The following DCDC2C variants were observed in gnomAD, a reference collection of about 807,000 sequenced individuals.
DCDC2C encodes doublecortin domain containing 2C.
DCDC2C carries 44 observed loss-of-function variants against 45.0 expected under a neutral mutation model. The observed-to-expected ratio is 0.98, with a 90% CI of 0.77 to 1.26. The LOEUF (loss-of-function observed/expected upper bound fraction) is 1.26. Among genes scored for constraint, DCDC2C ranks in the 50% most tolerant of loss-of-function variants. DCDC2C has a pLI of 0.00. For missense variants in DCDC2C, 447 were observed against 468.9 expected (o/e 0.95, Z 0.43); for synonymous variants, 187 against 178.8 (o/e 1.05, Z -0.37).
chr2:3,829,288 T>C (rs1037293763), intron 10 of DCDC2C, among the ~76,000 whole-genome samples: 2 of 150,838 alleles, frequency 1.3e-5, no homozygotes, highest in African/African-American at 2.4e-5. Flanking sequence ...CTTTTTCTTT[T>C]TTTTTTTTTT....
In DCDC2C at chr2:3,769,413, T is replaced by G; in HGVS notation, c.954+2T>G. 6.5e-7 allele frequency: 1 copy of G among 1,550,108 alleles called. No homozygotes were observed. Among genetic ancestry groups the G allele is most frequent in the Non-Finnish European group, 8.7e-7 (1 of 1,146,732 alleles). On this transcript the variant is annotated splice_donor_variant, in intron 8 of 10. Coordinates refer to ENST00000399143, the MANE Select transcript of DCDC2C (RefSeq NM_001287444.2). LOFTEE classifies it high-confidence loss of function. Reference sequence around the variant, plus strand: ...CAGCTGGAGGTGCCTGTGGACCAGGTGGGTGTCCGGGGTCCGATGTCCATG... The same window carrying G: ...CAGCTGGAGGTGCCTGTGGACCAGGGGGGTGTCCGGGGTCCGATGTCCATG...
intron 2 of DCDC2C, among the ~76,000 whole-genome samples, chr2:3,713,590 G>C (rs1668276748): frequency 6.6e-6 from 1 of 152,216 alleles, no homozygotes; most frequent in Non-Finnish European, 1.5e-5. Context: ...ACTGGTTCCA[G>C]CTTGATAGGC....
At chr2:3,806,402 A>G (rs1671243945) in intron 10 of DCDC2C, among the ~76,000 whole-genome samples, 1 of 152,238 alleles carries the variant, frequency 6.6e-6, no homozygotes, top group African/African-American at 2.4e-5. Context: ...AGAGAGGGAA[A>G]CAGAGCGAAG....
At chr2:3,838,646 A>G (rs1672139557) in intron 10 of DCDC2C, among the ~76,000 whole-genome samples, 1 of 152,148 alleles carries the variant, frequency 6.6e-6, no homozygotes, top group African/African-American at 2.4e-5. Flanking sequence ...ATCTGGAGAC[A>G]GTGGTGGGTG....
rs960748580 is a variant in DCDC2C at position 3,703,863 on chromosome 2, C to G, written c.112C>G (p.Arg38Gly). ...GGGCAAGAAGTTCGTGCTGTCGCGGCGCCGCGCGGCCACCTTCGAGGCGCT... is the reference window on the plus strand; with the variant it reads ...GGGCAAGAAGTTCGTGCTGTCGCGGGGCCGCGCGGCCACCTTCGAGGCGCT... The part of the protein sequence containing the change: ...YVGKKFVLSR[R>G]RAATFEALLE... The change falls in exon 1 of 11, where the codon CGC becomes GGC. Residue 38 changes from arginine (R) to glycine (G), a missense_variant. Coordinates refer to ENST00000399143, the MANE Select transcript of DCDC2C (RefSeq NM_001287444.2). The surrounding 1 kb of genome is among the most constrained non-coding windows in gnomAD (Gnocchi z 4.4). The G allele has an allele frequency of 1.2e-5, 16 of 1,290,022 alleles. No individual in the cohort carries two copies. The highest frequency in any genetic ancestry group is 1.6e-5 in the Non-Finnish European group (16 of 1,014,244). The allele number at this position is 1,290,022 out of a possible 1,614,324, so 79.9% of individuals were successfully genotyped here. A position where few individuals can be genotyped will look rare whatever the true frequency, so the allele number is the denominator to read the frequency against.
At chr2:3,746,291 G>C (rs541713508) in intron 4 of DCDC2C, among the ~76,000 whole-genome samples, 1 of 152,318 alleles carries the variant, frequency 6.6e-6, no homozygotes, top group South Asian at 2.1e-4. Flanking sequence ...ACGCGGAGGA[G>C]CTGGGGCAGG....
intron 3 of DCDC2C, among the ~76,000 whole-genome samples, chr2:3,733,811 T>TG (rs1668943265): frequency 1.3e-5 from 2 of 152,182 alleles, no homozygotes; most frequent in African/African-American, 2.4e-5. Context: ...CAACATGAAC[T>TG]GGGGGGTGAG....
intron 3 of DCDC2C, among the ~76,000 whole-genome samples, chr2:3,735,529 A>G (rs183027592): frequency 3.9e-5 from 6 of 152,154 alleles, no homozygotes; most frequent in African/African-American, 1.4e-4. Flanking sequence ...GGTCATCCAC[A>G]AGTTGGATTA....
At chr2:3,833,897 G>C (rs1672008966) in intron 10 of DCDC2C, among the ~76,000 whole-genome samples, 1 of 152,214 alleles carries the variant, frequency 6.6e-6, no homozygotes, top group African/African-American at 2.4e-5. Context: ...GTGGAGATAA[G>C]TAGCAGTCTT....
intron 3 of DCDC2C, among the ~76,000 whole-genome samples, chr2:3,736,649 G>A (rs1269584860): frequency 6.6e-6 from 1 of 152,238 alleles, no homozygotes; most frequent in Non-Finnish European, 1.5e-5. Flanking sequence ...TGGTTTCTGA[G>A]CTTGCTGTGG....
intron 10 of DCDC2C, among the ~76,000 whole-genome samples, chr2:3,828,117 A>T (rs551122136): frequency 1.3e-5 from 2 of 152,376 alleles, no homozygotes; most frequent in East Asian, 3.9e-4. Flanking sequence ...ACATGGAACC[A>T]TCTGCCATAA....
At chr2:3,716,434 G>A (rs562880764) in intron 2 of DCDC2C, among the ~76,000 whole-genome samples, 22 of 152,268 alleles carry the variant, frequency 1.4e-4, no homozygotes, top group Non-Finnish European at 1.2e-4. Flanking sequence ...GACCAGAAAA[G>A]GAAGATGAAG....
intron 10 of DCDC2C, among the ~76,000 whole-genome samples, chr2:3,802,929 G>A: frequency 6.6e-6 from 1 of 152,132 alleles, no homozygotes; most frequent in Non-Finnish European, 1.5e-5. Context: ...CCAGTCAGCA[G>A]AGGCATCATC....
chr2:3,819,687 A>G (rs1671640520), intron 10 of DCDC2C, among the ~76,000 whole-genome samples: 1 of 152,262 alleles, frequency 6.6e-6, no homozygotes, highest in African/African-American at 2.4e-5. Context: ...CAAACGAGCC[A>G]TGAACTGGGC....
At chr2:3,829,018 A>G (rs530585577) in intron 10 of DCDC2C, among the ~76,000 whole-genome samples, 10 of 152,292 alleles carry the variant, frequency 6.6e-5, no homozygotes, top group Admixed American at 5.2e-4. Flanking sequence ...AAAAATACCA[A>G]TTATTTTCAC....
intron 3 of DCDC2C, among the ~76,000 whole-genome samples, 192 bp from the exon 4 acceptor site, chr2:3,741,728 C>T (rs965799809): frequency 7.3e-5 from 11 of 150,974 alleles, no homozygotes; most frequent in Middle Eastern, 3.5e-3. Context: ...CACACGCGCG[C>T]GTCTGTCACC....
intron 3 of DCDC2C, among the ~76,000 whole-genome samples, chr2:3,730,620 G>C (rs1668840687): frequency 6.6e-6 from 1 of 152,028 alleles, no homozygotes; most frequent in South Asian, 2.1e-4. Context: ...TTATTGGGTA[G>C]AATGAGCAGG....
In DCDC2C at chr2:3,818,526, C is replaced by T. The variant is rs1388861018; in HGVS notation, c.1066-28628C>T. ...CCTGAACTAACATGTAAGGCTTGTC[C>T]AGTTTTTGGACAGGTACAATGGGGG... On this transcript the variant is annotated intron_variant, in intron 10 of 10. Transcript: ENST00000399143. This position sits in a 1 kb window ranked among gnomAD's most constrained non-coding sequence, Gnocchi z 4.7. Among the ~76,000 whole-genome samples the T allele has an allele frequency of 6.6e-6, 1 of 152,092 alleles. No individual in the cohort carries two copies. The highest frequency in any genetic ancestry group is 1.5e-5 in the Non-Finnish European group (1 of 68,028).
intron 10 of DCDC2C, among the ~76,000 whole-genome samples, chr2:3,832,936 G>A (rs1027379208): frequency 6.6e-6 from 1 of 152,222 alleles, no homozygotes; most frequent in African/African-American, 2.4e-5. Flanking sequence ...ATGATTTACA[G>A]TTCTGTAGGT....
Sources: allele counts gnomAD v4.1 joint callset (sites outside exome capture counted in the v4.1 genomes callset), GRCh38; gene constraint gnomAD v4.1.1; non-coding constraint Gnocchi (gnomAD v3.1); transcripts MANE v1.5; gene names NCBI Gene and HGNC (gene_info 2026-07-23, HGNC 2026-07-21).